The following NCALD variants were observed in gnomAD, a reference collection of about 807,000 sequenced individuals.
The protein encoded by NCALD is neurocalcin-delta.
A neutral mutation model predicts 18.6 loss-of-function variants in NCALD; 10 were observed. The observed-to-expected ratio is 0.54, with a 90% CI of 0.33 to 0.91. The LOEUF is 0.91. NCALD is among the 40% of genes least tolerant of loss of function. The pLI is 0.03. For synonymous variants in NCALD, 88 were observed against 87.4 expected, an observed-to-expected ratio of 1.01 and a Z score of -0.04; for missense variants, 184 against 247.6, an observed-to-expected ratio of 0.74 and a Z score of 1.72.
chr8:101,991,320 TC>T (rs1254291869), intron 2 of NCALD, among the ~76,000 whole-genome samples: 1 of 152,068 alleles, frequency 6.6e-6, no homozygotes, highest in Non-Finnish European at 1.5e-5. Flanking sequence ...TGCTACCTGT[TC>T]CTATGAGGCT....
chr8:101,852,307 A>G (rs1396232041), intron 4 of NCALD, among the ~76,000 whole-genome samples: 1 of 152,090 alleles, frequency 6.6e-6, no homozygotes, highest in Non-Finnish European at 1.5e-5. Flanking sequence ...TTATTCTCCT[A>G]ACACCTTTTA....
At chr8:101,711,459 T>A (rs1815787815) in intron 2 of NCALD, among the ~76,000 whole-genome samples, 1 of 151,864 alleles carries the variant, frequency 6.6e-6, no homozygotes, top group South Asian at 2.1e-4. Context: ...AGGTGGGTAA[T>A]AACAAACTCT....
intron 1 of NCALD, among the ~76,000 whole-genome samples, chr8:102,083,374 A>G (rs1240326947): frequency 6.6e-6 from 1 of 152,202 alleles, no homozygotes; most frequent in East Asian, 1.9e-4. Context: ...TCCCATAACC[A>G]ATTAAAGCTT....
At chr8:101,834,868 C>T (rs929082539) in intron 4 of NCALD, among the ~76,000 whole-genome samples, 2 of 152,172 alleles carry the variant, frequency 1.3e-5, no homozygotes, top group African/African-American at 4.8e-5. Context: ...TCTGTTCCTG[C>T]TTAGAGAAAG....
chr8:101,889,519 T>C (rs914176332), intron 3 of NCALD, among the ~76,000 whole-genome samples: 7 of 152,240 alleles, frequency 4.6e-5, no homozygotes, highest in African/African-American at 1.2e-4. Context: ...TTTAAATGTA[T>C]GCTTTTTTTC....
intron 1 of NCALD, among the ~76,000 whole-genome samples, chr8:102,087,121 T>G (rs905975335): frequency 6.6e-6 from 1 of 152,214 alleles, no homozygotes; most frequent in South Asian, 2.1e-4. Flanking sequence ...TTTCTTTACT[T>G]TCCTAATAAA....
At position 101,801,636 on chromosome 8, in the gene NCALD, A is replaced by G. The variant is rs188291818; in HGVS notation, c.-19-81988T>C. On this transcript the variant is annotated intron_variant, in intron 4 of 6. Coordinates refer to the NCALD transcript ENST00000311028. ...AGCCACATCTCTATGATTTACAAGC[A>G]CACTTACTTTTTTTTTTTTTTTTTT... Among the ~76,000 whole-genome samples the G allele has an allele frequency of 7.3e-3, 968 of 132,672 alleles. 11 individuals carry two copies. Among genetic ancestry groups the G allele is most frequent in the Middle Eastern group, 0.042 (9 of 214 alleles). 87.0% of individuals were successfully genotyped at this position (132,672 alleles called of 152,430 possible).
chr8:101,812,626 G>A (rs891830101), intron 4 of NCALD, among the ~76,000 whole-genome samples: 32 of 152,138 alleles, frequency 2.1e-4, no homozygotes, highest in Admixed American at 2.0e-3. Context: ...CTCATCAGAG[G>A]AAAAGAATAA....
At chr8:102,049,844 G>A (rs1823369574) in intron 1 of NCALD, among the ~76,000 whole-genome samples, 1 of 152,044 alleles carries the variant, frequency 6.6e-6, no homozygotes, top group Non-Finnish European at 1.5e-5. Context: ...TATCTTTTCA[G>A]ACCTCTTGCC....
intron 1 of NCALD, among the ~76,000 whole-genome samples, chr8:101,729,176 A>C (rs1419645271): frequency 1.3e-5 from 2 of 152,226 alleles, no homozygotes; most frequent in Non-Finnish European, 2.9e-5. Flanking sequence ...TTGCTTCAGA[A>C]TTTTTCTTCA....
intron 2 of NCALD, 171 bp from the exon 3 acceptor site, chr8:101,693,067 G>A: frequency 1.9e-6 from 1 of 522,464 alleles, no homozygotes; most frequent in Non-Finnish European, 3.5e-6. Context: ...AAGAAGCCGG[G>A]CCCACAAAGC....
intron 2 of NCALD, among the ~76,000 whole-genome samples, chr8:101,707,126 C>G (rs1815565270): frequency 6.6e-6 from 1 of 152,182 alleles, no homozygotes. Context: ...CCTGCCCCCT[C>G]CTTTTTTTCC....
At chr8:101,876,760 T>C (rs1157977953) in intron 4 of NCALD, among the ~76,000 whole-genome samples, 2 of 152,244 alleles carry the variant, frequency 1.3e-5, no homozygotes, top group Non-Finnish European at 2.9e-5. Context: ...TCAAATAAAA[T>C]AATAGTAAAT....
At chr8:102,101,284 G>A (rs954258980) in intron 1 of NCALD, among the ~76,000 whole-genome samples, 5 of 152,208 alleles carry the variant, frequency 3.3e-5, no homozygotes, top group African/African-American at 1.2e-4. Flanking sequence ...GATTTTTCAG[G>A]AGAAGCCTGA....
At chr8:102,081,838 T>C (rs1385902626) in intron 1 of NCALD, among the ~76,000 whole-genome samples, 1 of 152,192 alleles carries the variant, frequency 6.6e-6, no homozygotes, top group Admixed American at 6.5e-5. Context: ...AACACAAGCC[T>C]AAGGGACCCC....
chr8:101,936,225 C>A (rs1475541349), intron 2 of NCALD, among the ~76,000 whole-genome samples: 1 of 152,182 alleles, frequency 6.6e-6, no homozygotes, highest in African/African-American at 2.4e-5. Context: ...GCATTTTCTA[C>A]CTGACATTTG....
intron 2 of NCALD, among the ~76,000 whole-genome samples, chr8:101,919,517 AAAACT>A (rs1450878706): frequency 6.6e-6 from 1 of 152,160 alleles, no homozygotes; most frequent in Non-Finnish European, 1.5e-5. Context: ...AACAAAAACA[AAAACT>A]GACAAATAAG....
intron 4 of NCALD, chr8:101,847,260 A>G: frequency 4.4e-6 from 1 of 227,566 alleles, no homozygotes; most frequent in East Asian, 1.1e-4. Flanking sequence ...AAGTCAGGTC[A>G]GACAGGTAAT....
intron 1 of NCALD, among the ~76,000 whole-genome samples, chr8:102,064,344 G>A (rs1823937299): frequency 6.6e-6 from 1 of 152,184 alleles, no homozygotes; most frequent in Non-Finnish European, 1.5e-5. Flanking sequence ...GCCACTGGAT[G>A]CTTGTACGAG....
Sources: allele counts gnomAD v4.1 joint callset (sites outside exome capture counted in the v4.1 genomes callset), GRCh38; gene constraint gnomAD v4.1.1; transcripts MANE v1.5; gene names NCBI Gene and HGNC (gene_info 2026-07-23, HGNC 2026-07-21).